Variants in CCDC39 observed in about 807,000 individuals in gnomAD.
CCDC39 encodes coiled-coil domain-containing protein 39.
Under a neutral mutation model 121.0 loss-of-function variants are expected in CCDC39, and 113 were observed. The ratio of observed to expected loss-of-function variants is 0.93; its 90% CI spans 0.80 to 1.09. The LOEUF is 1.09. Among genes scored for constraint, CCDC39 ranks in the 50% least tolerant of loss-of-function variants. The pLI, the probability that CCDC39 is intolerant of heterozygous loss-of-function variation, is 0.00. For missense variants in CCDC39, 1,063 were observed against 1,074.7 expected, an observed-to-expected ratio of 0.99 and a Z score of 0.15; for synonymous variants, 349 against 352.2, an observed-to-expected ratio of 0.99 and a Z score of 0.10.
chr3:180,619,734 T>G (rs1717378874), intron 15 of CCDC39, 77 bp downstream of exon 15: 3 of 876,482 alleles, frequency 3.4e-6, no homozygotes, highest in Non-Finnish European at 3.3e-6. Flanking sequence ...TTGTTCTTCC[T>G]CATGTCTCAC....
At chr3:180,635,597 C>A (rs1717805983) in intron 13 of CCDC39, among the ~76,000 whole-genome samples, 2 of 152,168 alleles carry the variant, frequency 1.3e-5, no homozygotes, top group Admixed American at 6.5e-5. Flanking sequence ...CCTGGCAGGG[C>A]ACTCCTTAAA....
chr3:180,627,393 A>G lies in CCDC39; in HGVS notation c.1998+4076T>C, dbSNP rs192995409. Among the ~76,000 whole-genome samples the G allele has an allele frequency of 1.6e-4, 24 of 152,314 alleles. No homozygotes were observed. The East Asian group carries it at 4.6e-3, about 29-fold the overall frequency. On this transcript the variant is annotated intron_variant, in intron 14 of 19. Coordinates refer to ENST00000476379, the MANE Select transcript of CCDC39 (RefSeq NM_181426.2). Reference sequence around the variant, plus strand: ...AGCTGGAATGAGCCAAACAAATTTTAGTTGTGGACTACTGGGTCAGTTTCT... The same window carrying G: ...AGCTGGAATGAGCCAAACAAATTTTGGTTGTGGACTACTGGGTCAGTTTCT...
intron 6 of CCDC39, among the ~76,000 whole-genome samples, chr3:180,657,651 C>T (rs905333915): frequency 6.6e-6 from 1 of 152,218 alleles, no homozygotes; most frequent in Non-Finnish European, 1.5e-5. Flanking sequence ...TCAGCAGATA[C>T]TATAACCCAC....
chr3:180,654,297 T>C (rs887213943), intron 7 of CCDC39, among the ~76,000 whole-genome samples: 5 of 138,276 alleles, frequency 3.6e-5, no homozygotes, highest in East Asian at 2.2e-4. Flanking sequence ...TAATTCAAAA[T>C]GAATTAAAGA....
chr3:180,636,664 C>T (rs556558775), intron 13 of CCDC39, among the ~76,000 whole-genome samples: 2 of 152,272 alleles, frequency 1.3e-5, no homozygotes, highest in African/African-American at 4.8e-5. Flanking sequence ...TGAGGCATCA[C>T]GTTACCCAAC....
intron 14 of CCDC39, among the ~76,000 whole-genome samples, chr3:180,625,724 TATG>T (rs1717543914): frequency 6.6e-6 from 1 of 152,104 alleles, no homozygotes; most frequent in Non-Finnish European, 1.5e-5. Context: ...GTGGTCTTTG[TATG>T]ATTTCTTAGG....
At position 180,631,452 on chromosome 3, in the gene CCDC39, G is replaced by GA; in HGVS notation, c.1998+16dup. 1 of 1,590,576 alleles carries GA rather than the reference G, an allele frequency of 6.3e-7. No homozygotes were observed. The highest frequency in any genetic ancestry group is 2.2e-5 in the East Asian group (1 of 44,764). On this transcript the variant is annotated intron_variant, in intron 14 of 19. Coordinates refer to ENST00000476379, the MANE Select transcript of CCDC39 (RefSeq NM_181426.2). ...GAAAATTTCATACCATCACAACTGT[G>GA]AATCAATTAAAATTACCTTTATTAC...
In CCDC39 at chr3:180,616,004, TTC is replaced by T. The variant is rs202147998; in HGVS notation, c.2669+275_2669+276del. Among the ~76,000 whole-genome samples, 781 of 152,304 alleles carry T rather than the reference TTC, an allele frequency of 5.1e-3. 9 individuals are homozygous for T. The highest frequency in any genetic ancestry group is 0.018 in the African/African-American group (729 of 41,574). ...TGCTAGATGTAGCCCCCAAATTTAT[TTC>T]TGTTTTATCCTACTGAAATAGCTCA... is the stretch of plus-strand genomic sequence containing the variant. On this transcript the variant is annotated intron_variant, in intron 19 of 19. Transcript: ENST00000476379.
intron 6 of CCDC39, among the ~76,000 whole-genome samples, chr3:180,658,870 T>G (rs1711660586): frequency 1.3e-5 from 2 of 152,116 alleles, no homozygotes; most frequent in South Asian, 4.1e-4. Flanking sequence ...TCTTCCCACT[T>G]TTATTCCCCA....
chr3:180,642,352 A>C (rs553828343), intron 12 of CCDC39, among the ~76,000 whole-genome samples, 151 bp from the exon 13 acceptor site: 2 of 151,234 alleles, frequency 1.3e-5, no homozygotes, highest in Non-Finnish European at 2.9e-5. Flanking sequence ...AATTGATCAT[A>C]GTTTTTTTTT....
chr3:180,670,312 GGT>G (rs34194996), intron 1 of CCDC39, among the ~76,000 whole-genome samples: 6,558 of 147,868 alleles, frequency 0.044, 467 homozygotes, highest in African/African-American at 0.15. Flanking sequence ...GTATGGAAGG[GGT>G]GTGTGTGTGT....
intron 1 of CCDC39, among the ~76,000 whole-genome samples, chr3:180,673,428 G>A (rs79020531): frequency 3.3e-5 from 5 of 152,120 alleles, no homozygotes; most frequent in Non-Finnish European, 7.3e-5. Flanking sequence ...ATCAAAACAA[G>A]ACTCTCCACC....
chr3:180,620,257 T>A (rs886546715), intron 14 of CCDC39, among the ~76,000 whole-genome samples: 1 of 151,698 alleles, frequency 6.6e-6, no homozygotes, highest in Non-Finnish European at 1.5e-5. Flanking sequence ...TGCCAAAGAG[T>A]TAATCAAGTA....
intron 9 of CCDC39, 51 bp from the exon 10 acceptor site, chr3:180,648,410 G>T (rs1718123793): frequency 8.6e-7 from 1 of 1,167,402 alleles, no homozygotes. Context: ...TTGAAATGTT[G>T]TATTTATATG....
intron 14 of CCDC39, among the ~76,000 whole-genome samples, chr3:180,630,649 C>G (rs1265398881): frequency 1.3e-5 from 2 of 152,076 alleles, no homozygotes; most frequent in Non-Finnish European, 2.9e-5. Context: ...GGAAATTACT[C>G]CTGTTCAGGG....
At chr3:180,663,311 C>T (rs1711787428) in intron 2 of CCDC39, among the ~76,000 whole-genome samples, 1 of 152,152 alleles carries the variant, frequency 6.6e-6, no homozygotes, top group East Asian at 1.9e-4. Flanking sequence ...CATCATTTCT[C>T]ACCACCATCA....
At chr3:180,671,207 T>C (rs1327456942) in intron 1 of CCDC39, among the ~76,000 whole-genome samples, 3 of 123,302 alleles carry the variant, frequency 2.4e-5, no homozygotes, top group African/African-American at 1.0e-4. Context: ...CAAGACTCTG[T>C]GTCAAAAAAA....
rs1717254328 is a variant in CCDC39 at position 180,616,615 on chromosome 3, A to G, written c.2487T>C (p.Arg829=). The G allele has an allele frequency of 6.3e-7, 1 of 1,596,146 alleles. No individual in the cohort carries two copies. The highest frequency in any genetic ancestry group is 1.1e-5 in the South Asian group (1 of 87,694). Residue 829 remains arginine, a synonymous_variant, in exon 18 of 20, where the codon CGT becomes CGC. Coordinates refer to ENST00000476379, the MANE Select transcript of CCDC39 (RefSeq NM_181426.2). ...TAACTTTGTGAAACTGTTTCATTTC[A>G]CGAAGTTTGATGTCTTGTTCTTCCA... ...ETMEEQDIKL[R]EMKQFHKVID...
intron 1 of CCDC39, among the ~76,000 whole-genome samples, chr3:180,667,918 T>C (rs1711929075): frequency 6.6e-6 from 1 of 152,000 alleles, no homozygotes; most frequent in Admixed American, 6.6e-5. Flanking sequence ...ATTGCTGAAA[T>C]GGAAAAAGTG....
Sources: allele counts gnomAD v4.1 joint callset (sites outside exome capture counted in the v4.1 genomes callset), GRCh38; gene constraint gnomAD v4.1.1; transcripts MANE v1.5; gene names NCBI Gene and HGNC (gene_info 2026-07-23, HGNC 2026-07-21).